The following ZNF219 variants were observed in gnomAD, a reference collection of about 807,000 sequenced individuals.
The protein encoded by ZNF219 is zinc finger protein 219.
Under a neutral mutation model 54.4 loss-of-function variants are expected in ZNF219, and 17 were observed. The observed-to-expected ratio is 0.31, with a 90% CI of 0.21 to 0.47. The LOEUF (loss-of-function observed/expected upper bound fraction) is 0.47, where lower values mean the gene tolerates loss of function less well. ZNF219 is among the 20% of genes least tolerant of loss of function. ZNF219 has a pLI of 1.00. For synonymous variants in ZNF219, 518 were observed against 476.4 expected, an observed-to-expected ratio of 1.09 and a Z score of -1.14; for missense variants, 1,014 against 1,062.3, an observed-to-expected ratio of 0.95 and a Z score of 0.63.
chr14:21,095,093 G>C (rs1245790650), intron 1 of ZNF219, among the ~76,000 whole-genome samples: 1 of 152,134 alleles, frequency 6.6e-6, no homozygotes, highest in Non-Finnish European at 1.5e-5. Context: ...GAGAGAAAAG[G>C]CTCTGGAGGT....
chr14:21,100,955 C>A (rs149520287), upstream of ZNF219: 1,194 of 165,882 alleles, frequency 7.2e-3, 7 homozygotes, highest in Non-Finnish European at 0.011. Context: ...GAAATGGGAA[C>A]AGAGTGAGGT....
chr14:21,095,447 T>C (rs767444899), intron 1 of ZNF219, among the ~76,000 whole-genome samples: 5 of 152,212 alleles, frequency 3.3e-5, no homozygotes, highest in Admixed American at 1.3e-4. Flanking sequence ...CTACAACCTT[T>C]ACTAAATCAC....
Position 21,093,476 on chromosome 14 carries a change from G to T in ZNF219, c.6+110C>A, listed in dbSNP as rs1889097623. 2.0e-6 allele frequency: 3 copies of T among 1,465,256 alleles called. No homozygotes were observed. The African/African-American group carries it at 4.2e-5, about 20-fold the overall frequency. The allele number at this position is 1,465,256 out of a possible 1,614,324, so 90.8% of individuals were successfully genotyped here. A position where few individuals can be genotyped will look rare whatever the true frequency, so the allele number is the denominator to read the frequency against. ...AGGTGTATGGGAATCGAGATGTCAG[G>T]GCCAAGGAGTTAACTTCTAATAATG... On this transcript the variant is annotated intron_variant, in intron 2 of 4. Transcript: ENST00000360947.
At chr14:21,099,992 G>T (rs916627782), upstream of ZNF219, among the ~76,000 whole-genome samples, 1 of 152,138 alleles carries the variant, frequency 6.6e-6, no homozygotes, top group Non-Finnish European at 1.5e-5. Context: ...CACCCACCCT[G>T]AATCAACAAC....
chr14:21,091,038 G>A lies in ZNF219; in HGVS notation c.1667C>T (p.Ala556Val), dbSNP rs1370516496. 2 of 1,555,044 alleles carry A rather than the reference G, an allele frequency of 1.3e-6. No homozygotes were observed. Among genetic ancestry groups the A allele is most frequent in the Non-Finnish European group, 1.7e-6 (2 of 1,156,580 alleles). ...QRHHREQRSG[A>V]GPGPPPEPPP... ...TGGCTCCGGGGGTGGCCCGGGGCCG[G>A]CCCCGCTCCTCTGCTCCCGGTGGTG... Residue 556 changes from alanine (A) to valine (V), a missense_variant, in exon 5 of 5, where the codon GCC becomes GTC. By Grantham distance (64) the Ala-to-Val change is moderately conservative. Coordinates refer to ENST00000360947, the MANE Select transcript of ZNF219 (RefSeq NM_016423.3).
chr14:21,096,275 T>A (rs11629332), intron 1 of ZNF219, among the ~76,000 whole-genome samples: 70,083 of 151,774 alleles, frequency 0.46, 18,918 homozygotes, highest in Non-Finnish European at 0.61. Flanking sequence ...AGAAATAGAG[T>A]GATATACAAG....
chr14:21,092,575 C>G lies in ZNF219; in HGVS notation c.722G>C (p.Arg241Thr), dbSNP rs1231415827. Residue 241 changes from arginine to threonine, a missense_variant, in exon 3 of 5, where the codon AGA (arginine) becomes ACA (threonine). Physicochemically the swap from Arg to Thr is moderately conservative, Grantham distance 71. This residue lies in a region of ZNF219 where 395 missense variants were observed against 415.1 expected (regional missense o/e 0.95). Transcript: ENST00000360947. ...QPQPPPQPEP[R>T]SVPQPEPEPE... ...CTCCGGCTCCGGCTGGGGGACTGAT[C>G]TGGGTTCGGGCTGGGGTGGAGGCTG... The G allele has an allele frequency of 3.2e-6, 5 of 1,546,768 alleles. No individual in the cohort carries two copies. Among genetic ancestry groups the G allele is most frequent in the African/African-American group, 1.4e-5 (1 of 72,860 alleles).
chr14:21,095,790 A>T (rs1207189879), intron 1 of ZNF219, among the ~76,000 whole-genome samples: 1 of 152,200 alleles, frequency 6.6e-6, no homozygotes, highest in East Asian at 1.9e-4. Flanking sequence ...CAGTGGTACC[A>T]GAGGGATTAT....
At chr14:21,103,498 A>G, upstream of ZNF219, 1 of 551,480 alleles carries the variant, frequency 1.8e-6, no homozygotes, top group Non-Finnish European at 3.1e-6. Flanking sequence ...ACCTCCCCAT[A>G]CAGCTTCACA....
intron 1 of ZNF219, 141 bp from the exon 2 acceptor site, chr14:21,093,815 C>T: frequency 1.4e-6 from 1 of 713,186 alleles, no homozygotes; most frequent in Middle Eastern, 2.4e-4. Flanking sequence ...CACGAAGGGG[C>T]TGCTATACTC....
chr14:21,098,494 T>A lies in ZNF219; in HGVS notation c.-266A>T, dbSNP rs1594607266. The A allele has an allele frequency of 1.0e-6, 1 of 978,184 alleles. No homozygotes were observed. The highest frequency in any genetic ancestry group is 1.2e-6 in the Non-Finnish European group (1 of 825,686). 60.6% of individuals were successfully genotyped at this position (978,184 alleles called of 1,614,324 possible). ...CCCCGCCCCCGGCCCTGGCCCGCAT[T>A]GTGTGCGGCGGGAGGCGGCCCGGCC... On this transcript the variant is annotated 5_prime_UTR_variant, in exon 1 of 5. Coordinates refer to ENST00000360947, the MANE Select transcript of ZNF219 (RefSeq NM_016423.3).
chr14:21,090,356 G>C lies in ZNF219; in HGVS notation c.*180C>G, dbSNP rs1310827735. On this transcript the variant is annotated 3_prime_UTR_variant, in exon 5 of 5. Coordinates refer to ENST00000360947, the MANE Select transcript of ZNF219 (RefSeq NM_016423.3). The surrounding 1 kb of genome is among the most constrained non-coding windows in gnomAD (Gnocchi z 4.4). ...ACTTCTAAGGCACTGTGACTCCCTT[G>C]GGCTGGGTGGGTACCGCCAGCCCAC... 6.2e-6 allele frequency: 5 copies of C among 800,088 alleles called. No homozygotes were observed. The African/African-American group carries it at 8.5e-5, about 14-fold the overall frequency. 49.6% of individuals were successfully genotyped at this position (800,088 alleles called of 1,614,324 possible).
At chr14:21,101,300 T>C (rs1193223287), upstream of ZNF219, 1 of 1,539,818 alleles carries the variant, frequency 6.5e-7, no homozygotes, top group Admixed American at 2.0e-5. Flanking sequence ...ATAACGCATT[T>C]TTCCCAGCCT....
upstream of ZNF219, chr14:21,098,856 AGACTCG>A (rs1387891610): frequency 9.3e-6 from 12 of 1,286,554 alleles, no homozygotes; most frequent in Admixed American, 2.3e-5. Flanking sequence ...CAACATGCAC[AGACTCG>A]GGAAGTTCTT....
At chr14:21,100,813 G>A (rs1889586385), upstream of ZNF219, among the ~76,000 whole-genome samples, 1 of 152,186 alleles carries the variant, frequency 6.6e-6, no homozygotes. Context: ...ATAATTTGAG[G>A]AGGAAGCCAA....
chr14:21,090,507 T>C lies in ZNF219; in HGVS notation c.*29A>G. 6.4e-7 allele frequency: 1 copy of C among 1,557,458 alleles called. No individual in the cohort carries two copies. Among genetic ancestry groups the C allele is most frequent in the Non-Finnish European group, 8.7e-7 (1 of 1,149,586 alleles). The stretch of plus-strand genomic sequence containing the variant: ...GCTCCCCCGCTCCGGCGGGGTAAGC[T>C]CACTAAGCTAATCGCCCCTGAGGGC... On this transcript the variant is annotated 3_prime_UTR_variant, in exon 5 of 5. Transcript: ENST00000360947. The surrounding 1 kb of genome is among the most constrained non-coding windows in gnomAD (Gnocchi z 4.4).
chr14:21,091,933 C>T lies in ZNF219; in HGVS notation c.1364G>A (p.Arg455His), dbSNP rs1301804503. Reference sequence around the variant, plus strand: ...AGAGTGCCCCGGTCCCTCACCCGGGCGCGGGTGCAGGGAAGCCAGAGAGCC... The same window carrying T: ...AGAGTGCCCCGGTCCCTCACCCGGGTGCGGGTGCAGGGAAGCCAGAGAGCC... Reference protein sequence around the residue: ...SLGSLASLHPRPGEGPGHSAS... With the variant: ...SLGSLASLHPHPGEGPGHSAS... Residue 455 changes from arginine to histidine, a missense_variant, in exon 3 of 5, where the codon CGC (arginine) becomes CAC (histidine). Around this residue, in one of 5 missense-constraint regions of ZNF219, gnomAD observed 272 missense variants for 248.9 expected, o/e 1.09. Coordinates refer to ENST00000360947, the MANE Select transcript of ZNF219 (RefSeq NM_016423.3). The T allele has an allele frequency of 1.2e-6, 2 of 1,603,728 alleles. No individual in the cohort carries two copies. The highest frequency in any genetic ancestry group is 1.7e-5 in the Admixed American group (1 of 58,672).
In ZNF219 at chr14:21,090,669, G is replaced by C; in HGVS notation, c.2036C>G (p.Pro679Arg). 1 of 1,612,176 alleles carries C rather than the reference G, an allele frequency of 6.2e-7. No individual in the cohort carries two copies. Among genetic ancestry groups the C allele is most frequent in the Non-Finnish European group, 8.5e-7 (1 of 1,179,736 alleles). Reference sequence around the variant, plus strand: ...ATAGGGCGGGGACGCGTCAGCCTGGGGTGGCCGGCGGCCCCTAGCCCGGCG... The same window carrying C: ...ATAGGGCGGGGACGCGTCAGCCTGGCGTGGCCGGCGGCCCCTAGCCCGGCG... ...HSRRARGRRP[P>R]QADASPPYAR... The change falls in exon 5 of 5, where the codon CCC becomes CGC. Residue 679 changes from proline to arginine, a missense_variant. Pro to Arg is a moderately radical substitution (Grantham distance 103). Transcript: ENST00000360947. This position sits in a 1 kb window ranked among gnomAD's most constrained non-coding sequence, Gnocchi z 4.4.
chr14:21,103,474 CCT>C, upstream of ZNF219: 2 of 670,816 alleles, frequency 3.0e-6, no homozygotes, highest in Middle Eastern at 4.3e-4. Flanking sequence ...GCATCCATAT[CCT>C]CTCTTCCTGT....
Sources: gnomAD v4.1 joint callset for allele counts (sites outside exome capture counted in the v4.1 genomes callset) on GRCh38, gnomAD v4.1.1 for gene constraint, gnomAD v4.1.1 regional missense constraint, Gnocchi (gnomAD v3.1) non-coding constraint, MANE v1.5 for transcripts, NCBI Gene and HGNC (gene_info 2026-07-23, HGNC 2026-07-21) for gene names.